Variants in ZC3H12B observed in about 807,000 individuals in gnomAD.
ZC3H12B encodes zinc finger CCCH-type containing 12B.
A neutral mutation model predicts 43.9 loss-of-function variants in ZC3H12B; 7 were observed. That is an observed-to-expected ratio of 0.16 (90% CI 0.09 to 0.30). The LOEUF is 0.30. ZC3H12B is among the 10% of genes least tolerant of loss of function. The pLI, the probability that ZC3H12B is intolerant of heterozygous loss-of-function variation, is 1.00. For missense variants in ZC3H12B, 475 were observed against 670.2 expected (o/e 0.71, Z 3.22); for synonymous variants, 222 against 241.7 (o/e 0.92, Z 0.76).
chrX:65,207,543 T>G, the ZC3H12B span, among the ~76,000 whole-genome samples: 1 of 110,675 alleles, frequency 9.0e-6, no homozygotes, highest in African/African-American at 3.3e-5. Context: ...TGTACACTGC[T>G]GGGGTGATGG....
At chrX:65,090,243 G>C in the ZC3H12B span, among the ~76,000 whole-genome samples, 1 of 111,542 alleles carries the variant, frequency 9.0e-6, no homozygotes, top group South Asian at 3.7e-4. Flanking sequence ...CAGGGGATAG[G>C]AATTTTTCAG....
At chrX:65,410,843 T>C (rs1438775342) in intron 3 of ZC3H12B, among the ~76,000 whole-genome samples, 3 of 112,367 alleles carry the variant, frequency 2.7e-5, no homozygotes, top group East Asian at 2.8e-4. Flanking sequence ...AAGGGAATCT[T>C]TGTACACTGT....
chrX:65,230,318 G>A, the ZC3H12B span, among the ~76,000 whole-genome samples: 3 of 109,161 alleles, frequency 2.7e-5, no homozygotes, highest in Admixed American at 2.0e-4. Flanking sequence ...CTCACTCATC[G>A]GTGGGAATTG....
chrX:65,298,040 A>G, the ZC3H12B span, among the ~76,000 whole-genome samples: 1 of 112,424 alleles, frequency 8.9e-6, no homozygotes, highest in Non-Finnish European at 1.9e-5. Context: ...TGGGAACCAT[A>G]AAAATTCTAG....
the ZC3H12B span, among the ~76,000 whole-genome samples, chrX:65,123,501 T>C: frequency 1.8e-5 from 2 of 111,021 alleles, no homozygotes; most frequent in African/African-American, 3.3e-5. Flanking sequence ...ATGTTTTTTT[T>C]CTAGTTCTGT....
chrX:65,089,684 CTT>C, the ZC3H12B span, among the ~76,000 whole-genome samples: 1 of 112,209 alleles, frequency 8.9e-6, no homozygotes, highest in African/African-American at 3.2e-5. Context: ...TGTAATAACA[CTT>C]AGCTTGAAAT....
intron 3 of ZC3H12B, among the ~76,000 whole-genome samples, chrX:65,450,839 A>ATGTATATATATACATATG (rs2067490760): frequency 1.2e-5 from 1 of 85,215 alleles, no homozygotes; most frequent in Non-Finnish European, 2.2e-5. Context: ...ATGTGTATAT[A>ATGTATATATATACATATG]TGTATATATA....
At chrX:65,118,892 A>T in the ZC3H12B span, among the ~76,000 whole-genome samples, 2 of 103,136 alleles carry the variant, frequency 1.9e-5, no homozygotes. Context: ...GAGTGAGAAC[A>T]TGCGGTGTTT....
At chrX:65,108,138 G>A in the ZC3H12B span, among the ~76,000 whole-genome samples, 2 of 111,125 alleles carry the variant, frequency 1.8e-5, no homozygotes, top group Non-Finnish European at 3.8e-5. Context: ...GTGAGTGAGT[G>A]GCGATTGAAT....
At chrX:65,126,990 T>C in the ZC3H12B span, among the ~76,000 whole-genome samples, 2 of 111,089 alleles carry the variant, frequency 1.8e-5, no homozygotes, top group South Asian at 3.8e-4. Flanking sequence ...TGCTGAATTC[T>C]TTTTCTGGCA....
chrX:65,348,025 T>C, the ZC3H12B span, among the ~76,000 whole-genome samples: 1 of 110,313 alleles, frequency 9.1e-6, no homozygotes, highest in Admixed American at 9.7e-5. Flanking sequence ...TAGGTGGGAA[T>C]TGAACAATGA....
chrX:65,161,011 G>A, the ZC3H12B span, among the ~76,000 whole-genome samples: 5 of 110,809 alleles, frequency 4.5e-5, no homozygotes, highest in Non-Finnish European at 7.5e-5. Context: ...CCTTCATTTT[G>A]TTATGTACCC....
At chrX:65,296,555 C>G in the ZC3H12B span, among the ~76,000 whole-genome samples, 2 of 111,256 alleles carry the variant, frequency 1.8e-5, no homozygotes, top group Non-Finnish European at 3.8e-5. Flanking sequence ...GAGAGATTCA[C>G]AGCTGAATTC....
upstream of ZC3H12B, among the ~76,000 whole-genome samples, chrX:65,363,444 G>A (rs1241178216): frequency 9.0e-6 from 1 of 111,603 alleles, no homozygotes; most frequent in Non-Finnish European, 1.9e-5. Context: ...TTCACCTTTG[G>A]ATACCTAACA....
At chrX:65,177,141 C>T in the ZC3H12B span, among the ~76,000 whole-genome samples, 4 of 112,208 alleles carry the variant, frequency 3.6e-5, no homozygotes, top group Non-Finnish European at 7.5e-5. Flanking sequence ...AAGCATTAAA[C>T]ATAATCCATC....
the ZC3H12B span, among the ~76,000 whole-genome samples, chrX:65,249,796 A>ATTTTT: frequency 3.5e-4 from 17 of 48,931 alleles, no homozygotes; most frequent in Admixed American, 7.4e-4. Context: ...ATTCCTAAGT[A>ATTTTT]TTTTTTTTTT....
At chrX:65,112,290 T>A in the ZC3H12B span, among the ~76,000 whole-genome samples, 1 of 112,080 alleles carries the variant, frequency 8.9e-6, no homozygotes, top group Non-Finnish European at 1.9e-5. Flanking sequence ...AGAAGTTGGT[T>A]CATGAGGTTT....
chrX:65,440,788 G>T (rs1285490641), intron 3 of ZC3H12B, among the ~76,000 whole-genome samples: 1 of 112,076 alleles, frequency 8.9e-6, no homozygotes, highest in African/African-American at 3.2e-5. Flanking sequence ...TCATTTACCT[G>T]ATTTTTTCTT....
At chrX:65,254,507 A>T in the ZC3H12B span, among the ~76,000 whole-genome samples, 4 of 112,447 alleles carry the variant, frequency 3.6e-5, no homozygotes, top group South Asian at 1.5e-3. Flanking sequence ...ATCTTATAAT[A>T]CAATAAAACC....
Sources: gnomAD v4.1 joint callset for allele counts (sites outside exome capture counted in the v4.1 genomes callset) on GRCh38, gnomAD v4.1.1 for gene constraint, MANE v1.5 for transcripts, NCBI Gene and HGNC (gene_info 2026-07-23, HGNC 2026-07-21) for gene names.